Variants in DOCK10 observed in about 807,000 individuals in gnomAD.
DOCK10 encodes the protein dedicator of cytokinesis protein 10.
DOCK10 carries 145 observed loss-of-function variants against 280.1 expected under a neutral mutation model. The observed-to-expected ratio is 0.52, with a 90% CI of 0.45 to 0.59. DOCK10 has a LOEUF of 0.59. Ranked by LOEUF, DOCK10 falls within the 20% of genes least tolerant of loss-of-function variation. The pLI, the probability that DOCK10 is intolerant of heterozygous loss-of-function variation, is 0.00. For synonymous variants in DOCK10, 915 were observed against 942.2 expected, an observed-to-expected ratio of 0.97 and a Z score of 0.53; for missense variants, 2,368 against 2,651.7, an observed-to-expected ratio of 0.89 and a Z score of 2.35.
Position 224,990,317 on chromosome 2 carries a change from C to A in DOCK10, c.123+51935G>T, listed in dbSNP as rs552046019. Among the ~76,000 whole-genome samples, 6 of 152,138 alleles carry A rather than the reference C, an allele frequency of 3.9e-5. No individual in the cohort carries two copies. The South Asian group carries it at 6.2e-4, about 16-fold the overall frequency. On this transcript the variant is annotated intron_variant, in intron 1 of 55. Transcript: ENST00000258390. ...ATTTTTAATAAAGTGTAGTATAGTG[C>A]GGCACTTAGGCATCAGGAAGCAGTT...
chr2:224,945,152 C>G (rs2126095187), intron 1 of DOCK10, among the ~76,000 whole-genome samples: 1 of 152,286 alleles, frequency 6.6e-6, no homozygotes, highest in South Asian at 2.1e-4. Context: ...GTGACATAAT[C>G]CATGCTACTT....
chr2:225,016,805 C>A (rs149310830), intron 1 of DOCK10, among the ~76,000 whole-genome samples: 1 of 151,534 alleles, frequency 6.6e-6, no homozygotes, highest in Non-Finnish European at 1.5e-5. Context: ...CGTGTTCAAG[C>A]GATTCTCTTG....
In DOCK10 at chr2:224,804,114, T is replaced by C; in HGVS notation, c.4266A>G (p.Gln1422=). The C allele has an allele frequency of 1.2e-6, 2 of 1,600,760 alleles. No homozygotes were observed. Among genetic ancestry groups the C allele is most frequent in the Non-Finnish European group, 1.7e-6 (2 of 1,168,788 alleles). ...ATACCAAGCAAATGTGACATTACCATTGTGACAAGAGACCTGATGTCTGGC... is the reference window on the plus strand; with the variant it reads ...ATACCAAGCAAATGTGACATTACCACTGTGACAAGAGACCTGATGTCTGGC... The part of the protein sequence containing the change: ...PSCQTSGLLS[Q]WMHSTSSHEG... The change falls in exon 39 of 56, where the codon CAA becomes CAG. Residue 1422 remains glutamine, a splice_region_variant and synonymous_variant. Coordinates refer to ENST00000258390, the MANE Select transcript of DOCK10 (RefSeq NM_014689.3).
At chr2:224,882,540 C>T (rs559988868) in intron 7 of DOCK10, among the ~76,000 whole-genome samples, 1 of 152,024 alleles carries the variant, frequency 6.6e-6, no homozygotes, top group Non-Finnish European at 1.5e-5. Flanking sequence ...CTAAGAATTC[C>T]AAAGTATTCT....
intron 31 of DOCK10, among the ~76,000 whole-genome samples, chr2:224,810,734 G>A (rs1358006676): frequency 1.4e-5 from 2 of 147,616 alleles, no homozygotes; most frequent in Non-Finnish European, 3.0e-5. Flanking sequence ...AACATGCAGT[G>A]TTTGGTTTTT....
intron 4 of DOCK10, among the ~76,000 whole-genome samples, chr2:224,894,410 T>A (rs144131999): frequency 5.9e-5 from 9 of 152,288 alleles, no homozygotes; most frequent in African/African-American, 2.2e-4. Flanking sequence ...ACACATTTAG[T>A]TAAAAGGATG....
chr2:224,773,416 G>T, intron 52 of DOCK10, 69 bp from the exon 53 acceptor site: 1 of 1,386,540 alleles, frequency 7.2e-7, no homozygotes, highest in South Asian at 1.3e-5. Flanking sequence ...TTCCCTGAAG[G>T]ACCAGAGGAT....
intron 7 of DOCK10, among the ~76,000 whole-genome samples, chr2:224,883,166 CATT>C (rs1338345998): frequency 2.6e-5 from 4 of 152,258 alleles, no homozygotes; most frequent in African/African-American, 9.6e-5. Flanking sequence ...AAGAGTTCAT[CATT>C]GTTTCATGTT....
chr2:224,877,469 TAGGTTCCTATTCTATTGG>T (rs1445962842), intron 7 of DOCK10, among the ~76,000 whole-genome samples: 1 of 151,316 alleles, frequency 6.6e-6, no homozygotes, highest in Non-Finnish European at 1.5e-5. Flanking sequence ...TCTATTGGAA[TAGGTTCCTATTCTATTGG>T]AATAGGTTCC....
intron 2 of DOCK10, among the ~76,000 whole-genome samples, chr2:224,920,751 T>C (rs1701657968): frequency 6.6e-6 from 1 of 151,810 alleles, no homozygotes; most frequent in African/African-American, 2.4e-5. Context: ...TCCACTAGAG[T>C]CTCCATTGCT....
chr2:224,818,702 C>T (rs1278278508), intron 29 of DOCK10, among the ~76,000 whole-genome samples: 4 of 152,140 alleles, frequency 2.6e-5, no homozygotes, highest in African/African-American at 7.2e-5. Context: ...CCTGCCAGCC[C>T]CTGCTCTTTT....
At chr2:224,871,285 C>T (rs771629332) in intron 11 of DOCK10, among the ~76,000 whole-genome samples, 2 of 151,810 alleles carry the variant, frequency 1.3e-5, no homozygotes, top group African/African-American at 4.8e-5. Context: ...TGTGTAAAAC[C>T]GTCCAAAACA....
At chr2:224,942,532 C>T (rs1703154205) in intron 1 of DOCK10, among the ~76,000 whole-genome samples, 1 of 152,194 alleles carries the variant, frequency 6.6e-6, no homozygotes, top group South Asian at 2.1e-4. Context: ...CGTTTCACAA[C>T]AGCCTAAATA....
chr2:224,850,484 G>A (rs1383636038), intron 18 of DOCK10, among the ~76,000 whole-genome samples: 1 of 152,166 alleles, frequency 6.6e-6, no homozygotes, highest in African/African-American at 2.4e-5. Context: ...TGGGACAACG[G>A]TCAGTGTTTG....
chr2:224,852,614 T>C (rs764706371), intron 17 of DOCK10, among the ~76,000 whole-genome samples, 172 bp from the exon 18 acceptor site: 1 of 152,180 alleles, frequency 6.6e-6, no homozygotes, highest in African/African-American at 2.4e-5. Flanking sequence ...CTGGAGAGTG[T>C]ACTTAAAAGG....
chr2:224,927,705 A>C (rs567001065), intron 2 of DOCK10, among the ~76,000 whole-genome samples: 2 of 152,296 alleles, frequency 1.3e-5, no homozygotes, highest in South Asian at 4.1e-4. Context: ...CTCCTTAAAC[A>C]CAGGGCTTTT....
intron 26 of DOCK10, among the ~76,000 whole-genome samples, chr2:224,832,958 C>G: frequency 6.6e-6 from 1 of 152,124 alleles, no homozygotes; most frequent in Non-Finnish European, 1.5e-5. Flanking sequence ...CTCCTGAAAC[C>G]CACCCACCCC....
intron 3 of DOCK10, among the ~76,000 whole-genome samples, chr2:224,915,635 A>G (rs1050763536): frequency 6.6e-6 from 1 of 152,162 alleles, no homozygotes; most frequent in Non-Finnish European, 1.5e-5. Context: ...TGCAGCTTTA[A>G]TGAATTCCTA....
chr2:224,779,376 C>T (rs546589762), intron 50 of DOCK10, among the ~76,000 whole-genome samples: 49 of 152,068 alleles, frequency 3.2e-4, no homozygotes, highest in African/African-American at 1.0e-3. Context: ...CCACCACGCC[C>T]GGCTAATTTT....
Sources: allele counts gnomAD v4.1 joint callset (sites outside exome capture counted in the v4.1 genomes callset), GRCh38; gene constraint gnomAD v4.1.1; transcripts MANE v1.5; gene names NCBI Gene and HGNC (gene_info 2026-07-23, HGNC 2026-07-21).